The following TAOK3 variants were observed in gnomAD, a reference collection of about 807,000 sequenced individuals.
The protein encoded by TAOK3 is TAO kinase 3.
In TAOK3, 40 loss-of-function variants were observed where a neutral mutation model predicts 120.4. That is an observed-to-expected ratio of 0.33 (90% CI 0.26 to 0.43). The LOEUF is 0.43. Among genes scored for constraint, TAOK3 ranks in the 20% least tolerant of loss-of-function variants. The pLI, the probability that TAOK3 is intolerant of heterozygous loss-of-function variation, is 1.00. For missense variants in TAOK3, 821 were observed against 1,112.1 expected (o/e 0.74, Z 3.72); for synonymous variants, 355 against 387.5 (o/e 0.92, Z 0.99).
At chr12:118,197,026 A>G (rs1333677556) in intron 13 of TAOK3, among the ~76,000 whole-genome samples, 1 of 152,198 alleles carries the variant, frequency 6.6e-6, no homozygotes, top group Non-Finnish European at 1.5e-5. Flanking sequence ...ATTTGAGTAA[A>G]CCATCCAATA....
intron 13 of TAOK3, among the ~76,000 whole-genome samples, chr12:118,191,402 C>T (rs1017782046): frequency 6.6e-6 from 1 of 152,184 alleles, no homozygotes; most frequent in Non-Finnish European, 1.5e-5. Flanking sequence ...TATTCTGCAG[C>T]TGCGCTGTCC....
chr12:118,343,630 A>C (rs963906222), intron 1 of TAOK3, among the ~76,000 whole-genome samples: 1 of 152,158 alleles, frequency 6.6e-6, no homozygotes, highest in African/African-American at 2.4e-5. Flanking sequence ...TCATTAATAC[A>C]TTTAGTTTAA....
intron 1 of TAOK3, among the ~76,000 whole-genome samples, chr12:118,320,496 T>G (rs1216742516): frequency 6.6e-6 from 1 of 152,076 alleles, no homozygotes; most frequent in Non-Finnish European, 1.5e-5. Context: ...CTCTGGGTAA[T>G]CTGCTGAAAG....
intron 1 of TAOK3, among the ~76,000 whole-genome samples, chr12:118,279,823 G>A (rs1352265795): frequency 6.7e-6 from 1 of 149,672 alleles, no homozygotes; most frequent in Non-Finnish European, 1.5e-5. Context: ...GGAGTGCAGT[G>A]GCTTTGATCT....
chr12:118,347,002 C>T (rs1463351894), intron 1 of TAOK3, among the ~76,000 whole-genome samples: 1 of 152,094 alleles, frequency 6.6e-6, no homozygotes, highest in African/African-American at 2.4e-5. Flanking sequence ...CAACAATAGG[C>T]CTTTTTTCTT....
intron 9 of TAOK3, among the ~76,000 whole-genome samples, chr12:118,219,532 G>A (rs1483702690): frequency 6.6e-6 from 1 of 151,966 alleles, no homozygotes; most frequent in Admixed American, 6.6e-5. Flanking sequence ...TCTCAGACTA[G>A]GTCTCCTATT....
At chr12:118,166,827 T>TATATACACACACACACACACATACACAC in intron 17 of TAOK3, among the ~76,000 whole-genome samples, 1 of 146,726 alleles carries the variant, frequency 6.8e-6, no homozygotes, top group South Asian at 2.1e-4. Context: ...TATATATATA[T>TATATACACACACACACACACATACACAC]ACACACACAC....
intron 1 of TAOK3, among the ~76,000 whole-genome samples, chr12:118,309,278 G>A (rs1218936687): frequency 2.0e-5 from 3 of 147,660 alleles, no homozygotes; most frequent in Non-Finnish European, 4.4e-5. Flanking sequence ...GCAATGAGCC[G>A]AGCTCGGGCC....
intron 1 of TAOK3, among the ~76,000 whole-genome samples, chr12:118,337,613 C>T (rs2044419826): frequency 6.6e-6 from 1 of 152,156 alleles, no homozygotes. Context: ...ACACACAACT[C>T]AGTTAAATCG....
chr12:118,257,041 C>T (rs1372975022), intron 2 of TAOK3, among the ~76,000 whole-genome samples: 24 of 152,124 alleles, frequency 1.6e-4, no homozygotes, highest in Admixed American at 1.6e-3. Context: ...CTCCTTTAAT[C>T]CCTACAATAG....
At chr12:118,343,479 G>T (rs565220405) in intron 1 of TAOK3, among the ~76,000 whole-genome samples, 1 of 151,216 alleles carries the variant, frequency 6.6e-6, no homozygotes, top group South Asian at 2.1e-4. Flanking sequence ...CTATGTAAGT[G>T]ACCCTTTACA....
At chr12:118,370,329 T>G (rs1421300236) in intron 1 of TAOK3, among the ~76,000 whole-genome samples, 1 of 152,238 alleles carries the variant, frequency 6.6e-6, no homozygotes, top group Non-Finnish European at 1.5e-5. Context: ...ATTTTTGTCT[T>G]GGATTTACAT....
At chr12:118,367,154 G>A (rs1303484710) in intron 1 of TAOK3, among the ~76,000 whole-genome samples, 1 of 152,156 alleles carries the variant, frequency 6.6e-6, no homozygotes, top group Non-Finnish European at 1.5e-5. Context: ...CTGACAAATG[G>A]TTAGGAGACT....
intron 17 of TAOK3, among the ~76,000 whole-genome samples, chr12:118,169,236 A>C (rs1282534824): frequency 2.1e-5 from 3 of 145,676 alleles, no homozygotes; most frequent in Non-Finnish European, 3.0e-5. Flanking sequence ...CTGGTCTCGA[A>C]CTCCTGACCT....
At chr12:118,323,657 T>C (rs2043813082) in intron 1 of TAOK3, among the ~76,000 whole-genome samples, 1 of 152,152 alleles carries the variant, frequency 6.6e-6, no homozygotes, top group Non-Finnish European at 1.5e-5. Flanking sequence ...GATAGGTATA[T>C]ATGTACTGAC....
chr12:118,270,669 CTTTTT>C (rs761296706), intron 1 of TAOK3, among the ~76,000 whole-genome samples: 1 of 125,976 alleles, frequency 7.9e-6, no homozygotes, highest in African/African-American at 3.1e-5. Flanking sequence ...CTAAATGTCA[CTTTTT>C]TTTTTTTTTT....
intron 11 of TAOK3, among the ~76,000 whole-genome samples, chr12:118,207,858 TCACA>T (rs55978716): frequency 2.9e-4 from 42 of 144,442 alleles, no homozygotes; most frequent in South Asian, 9.1e-4. Flanking sequence ...AGACTCTGTC[TCACA>T]CACACACACA....
At chr12:118,318,231 C>T (rs2043554077) in intron 1 of TAOK3, among the ~76,000 whole-genome samples, 2 of 150,304 alleles carry the variant, frequency 1.3e-5, no homozygotes, top group African/African-American at 2.5e-5. Context: ...GATCTTGGCT[C>T]ACTGCAACCT....
intron 5 of TAOK3, among the ~76,000 whole-genome samples, chr12:118,240,534 C>T (rs769633834): frequency 8.6e-5 from 13 of 151,258 alleles, no homozygotes; most frequent in Admixed American, 4.6e-4. Context: ...TTAGTAGGGA[C>T]GGGGTTTCAC....
Sources: allele counts gnomAD v4.1 joint callset (sites outside exome capture counted in the v4.1 genomes callset), GRCh38; gene constraint gnomAD v4.1.1; transcripts MANE v1.5; gene names NCBI Gene and HGNC (gene_info 2026-07-23, HGNC 2026-07-21).